Variants in RBFOX1 observed in about 807,000 individuals in gnomAD.
RBFOX1 encodes the protein RNA binding protein fox-1 homolog 1.
In RBFOX1, 8 loss-of-function variants were observed where a neutral mutation model predicts 57.7. That is an observed-to-expected ratio of 0.14 (90% CI 0.08 to 0.25). The LOEUF is 0.25. RBFOX1 is among the 10% of genes least tolerant of loss of function. The pLI is 1.00. For missense variants in RBFOX1, 611 were observed against 548.5 expected, an observed-to-expected ratio of 1.11 and a Z score of -1.14; for synonymous variants, 326 against 222.4, an observed-to-expected ratio of 1.47 and a Z score of -4.15.
At chr16:6,269,158 G>C (rs2152667258) in intron 1 of RBFOX1, among the ~76,000 whole-genome samples, 1 of 152,272 alleles carries the variant, frequency 6.6e-6, no homozygotes, top group African/African-American at 2.4e-5. Context: ...TCTCTTCTCT[G>C]CTGTTTTCAA....
At chr16:6,528,611 A>G (rs939504284) in intron 2 of RBFOX1, among the ~76,000 whole-genome samples, 9 of 152,204 alleles carry the variant, frequency 5.9e-5, no homozygotes, top group African/African-American at 2.2e-4. Context: ...CGATTTTAAA[A>G]TGACATCTTC....
chr16:7,544,598 G>C (rs553228792), intron 5 of RBFOX1, among the ~76,000 whole-genome samples: 10 of 152,220 alleles, frequency 6.6e-5, no homozygotes, highest in African/African-American at 2.2e-4. Flanking sequence ...CAGGATCTAG[G>C]AAAGAAGCAA....
chr16:6,696,818 A>G (rs1395322377), intron 3 of RBFOX1, among the ~76,000 whole-genome samples: 1 of 152,156 alleles, frequency 6.6e-6, no homozygotes, highest in African/African-American at 2.4e-5. Context: ...GTAGAATAAC[A>G]TTTACATTGA....
At position 5,424,994 on chromosome 16, in the gene RBFOX1, T is replaced by TTTCTTTTTTTCTTTC. The variant is rs58404221; in HGVS notation, c.220-42220_220-42219insCTTTTTTTCTTTCTT. ...TCTTTCTTTCTTTTCTTTTCTTTTC[T>TTTCTTTTTTTCTTTC]TTTCTTTTCTTTTCTTTTCTTTCTT... is the stretch of plus-strand genomic sequence containing the variant. On this transcript the variant is annotated intron_variant, in intron 1 of 2. Coordinates refer to the RBFOX1 transcript ENST00000585867. 9.7e-4 allele frequency among the ~76,000 whole-genome samples: 87 copies of TTTCTTTTTTTCTTTC among 89,646 alleles called. 4 individuals are homozygous for TTTCTTTTTTTCTTTC. Among genetic ancestry groups the TTTCTTTTTTTCTTTC allele is most frequent in the East Asian group, 5.6e-3 (15 of 2,660 alleles). 58.8% of individuals were successfully genotyped at this position (89,646 alleles called of 152,430 possible).
chr16:5,262,904 G>T (rs2062769446), intron 1 of RBFOX1, among the ~76,000 whole-genome samples: 1 of 152,122 alleles, frequency 6.6e-6, no homozygotes, highest in Non-Finnish European at 1.5e-5. Context: ...CACTGAAGGG[G>T]GCATCAAAGG....
At chr16:5,644,449 C>T (rs1000439121) in intron 3 of RBFOX1, among the ~76,000 whole-genome samples, 1 of 152,182 alleles carries the variant, frequency 6.6e-6, no homozygotes, top group South Asian at 2.1e-4. Flanking sequence ...GCTTGGGCTC[C>T]AGATGGGTTG....
intron 4 of RBFOX1, among the ~76,000 whole-genome samples, chr16:7,111,372 T>C (rs995534342): frequency 2.0e-5 from 3 of 152,238 alleles, no homozygotes; most frequent in Non-Finnish European, 4.4e-5. Context: ...CCTACCATTT[T>C]TTCCTCATAG....
intron 1 of RBFOX1, among the ~76,000 whole-genome samples, chr16:5,417,529 G>A (rs1012381062): frequency 6.6e-6 from 1 of 152,120 alleles, no homozygotes; most frequent in African/African-American, 2.4e-5. Context: ...TCTGGACAAA[G>A]ATGATCAATC....
rs1198448280 is a variant in RBFOX1, at chr16:7,292,295, G to GATATATAACGTATTATATATCATATATC, written c.28-225846_28-225845insAACGTATTATATATCATATATCATATAT. On this transcript the variant is annotated intron_variant, in intron 4 of 15. Transcript: ENST00000550418. ...GTATTATATATCATATATCATATAT[G>GATATATAACGTATTATATATCATATATC]ATATATGATATATGACGTATTATAT... 1.3e-3 allele frequency among the ~76,000 whole-genome samples: 151 copies of GATATATAACGTATTATATATCATATATC among 112,422 alleles called. 4 individuals are homozygous for GATATATAACGTATTATATATCATATATC. The highest frequency in any genetic ancestry group is 4.8e-3 in the African/African-American group (143 of 29,742). 73.8% of individuals were successfully genotyped at this position (112,422 alleles called of 152,430 possible).
At chr16:6,740,768 C>G (rs1166451032) in intron 3 of RBFOX1, among the ~76,000 whole-genome samples, 2 of 152,156 alleles carry the variant, frequency 1.3e-5, no homozygotes, top group Non-Finnish European at 2.9e-5. Context: ...TTGAAAGACT[C>G]CACTTTGTAA....
intron 1 of RBFOX1, among the ~76,000 whole-genome samples, chr16:5,320,173 C>G (rs1265720526): frequency 2.0e-5 from 3 of 152,094 alleles, no homozygotes; most frequent in Non-Finnish European, 4.4e-5. Flanking sequence ...TGCGTGTAAC[C>G]AGGTTTATGG....
chr16:6,273,769 G>A (rs998709562), intron 1 of RBFOX1, among the ~76,000 whole-genome samples: 3 of 152,064 alleles, frequency 2.0e-5, no homozygotes, highest in African/African-American at 7.2e-5. Flanking sequence ...GGATGTAAAG[G>A]GAAGCTTCAG....
Position 6,861,614 on chromosome 16 carries a change from C to T in RBFOX1, c.-15-190443C>T, listed in dbSNP as rs140003837. ...GTACTAAGTTGTTCCAGTAAACAGC[C>T]TCTACATTGGGTCTTTATGTTGCAA... On this transcript the variant is annotated intron_variant, in intron 3 of 15. Transcript: ENST00000550418. 4.1e-3 allele frequency among the ~76,000 whole-genome samples: 631 copies of T among 152,056 alleles called. 7 individuals are homozygous for T. Among genetic ancestry groups the T allele is most frequent in the Admixed American group, 0.024 (369 of 15,270 alleles).
At chr16:5,742,837 G>A (rs994967559) in intron 3 of RBFOX1, among the ~76,000 whole-genome samples, 1 of 152,196 alleles carries the variant, frequency 6.6e-6, no homozygotes, top group Non-Finnish European at 1.5e-5. Context: ...ACCAATGGGG[G>A]CTAAGAGCTA....
intron 3 of RBFOX1, among the ~76,000 whole-genome samples, chr16:6,955,586 T>C (rs2081621009): frequency 6.6e-6 from 1 of 152,224 alleles, no homozygotes; most frequent in Non-Finnish European, 1.5e-5. Flanking sequence ...ATTGGTTTTA[T>C]ATGCTGGTGC....
intron 4 of RBFOX1, among the ~76,000 whole-genome samples, chr16:7,475,712 T>A (rs1048491674): frequency 2.0e-5 from 3 of 152,212 alleles, no homozygotes; most frequent in Non-Finnish European, 4.4e-5. Flanking sequence ...ATGAATGGCC[T>A]CGGACAAGTT....
chr16:6,948,989 T>G (rs926407786), intron 3 of RBFOX1, among the ~76,000 whole-genome samples: 1 of 152,110 alleles, frequency 6.6e-6, no homozygotes, highest in Non-Finnish European at 1.5e-5. Flanking sequence ...TGAGACAGTT[T>G]CTCAAAGGAA....
At chr16:6,286,745 G>A (rs1188600311) in intron 1 of RBFOX1, among the ~76,000 whole-genome samples, 2 of 152,146 alleles carry the variant, frequency 1.3e-5, no homozygotes, top group Non-Finnish European at 2.9e-5. Flanking sequence ...GCTCACCTGG[G>A]TAGCAGATTC....
intron 2 of RBFOX1, among the ~76,000 whole-genome samples, chr16:6,524,144 A>G (rs960274987): frequency 1.3e-5 from 2 of 152,058 alleles, no homozygotes; most frequent in African/African-American, 2.4e-5. Flanking sequence ...CTCCCCCGAC[A>G]CTACCTTTCC....
Sources: allele counts gnomAD v4.1 joint callset (sites outside exome capture counted in the v4.1 genomes callset), GRCh38; gene constraint gnomAD v4.1.1; transcripts MANE v1.5; gene names NCBI Gene and HGNC (gene_info 2026-07-23, HGNC 2026-07-21).